PLD1: variants seen among roughly 807,000 people sequenced by gnomAD.
PLD1 encodes the protein choline phosphatase 1.
PLD1 carries 112 observed loss-of-function variants against 137.1 expected under a neutral mutation model. The ratio of observed to expected loss-of-function variants is 0.82; its 90% CI spans 0.70 to 0.96. The LOEUF is 0.96. Among genes scored for constraint, PLD1 ranks in the 40% least tolerant of loss-of-function variants. The pLI is 0.00. For synonymous variants in PLD1, 431 were observed against 454.7 expected, an observed-to-expected ratio of 0.95 and a Z score of 0.66; for missense variants, 1,321 against 1,342.0, an observed-to-expected ratio of 0.98 and a Z score of 0.24.
intron 16 of PLD1, among the ~76,000 whole-genome samples, chr3:171,678,804 TC>T (rs1325747816): frequency 6.6e-6 from 1 of 152,176 alleles, no homozygotes; most frequent in Non-Finnish European, 1.5e-5. Flanking sequence ...ATCTTTCTAG[TC>T]CTTGTTTTTC....
chr3:171,751,930 G>C (rs1260215841), intron 1 of PLD1, among the ~76,000 whole-genome samples: 2 of 151,914 alleles, frequency 1.3e-5, no homozygotes, highest in Non-Finnish European at 2.9e-5. Flanking sequence ...ATGAACCTGG[G>C]AGGTGGAGCT....
In PLD1 at chr3:171,601,335, T is replaced by G. The variant is rs1731818553; in HGVS notation, c.*1743A>C. ...GACTCCTCTAAGGTTTAAAAAATAT[T>G]TAAATATAAAATCTAAGAAATCCTT... On this transcript the variant is annotated 3_prime_UTR_variant, in exon 27 of 27. Coordinates refer to ENST00000351298, the MANE Select transcript of PLD1 (RefSeq NM_002662.5). The G allele has an allele frequency of 6.6e-6, 1 of 152,138 alleles. No individual in the cohort carries two copies. The highest frequency in any genetic ancestry group is 6.5e-5 in the Admixed American group (1 of 15,276). 9.4% of individuals were successfully genotyped at this position (152,138 alleles called of 1,614,324 possible). A position where few individuals can be genotyped will look rare whatever the true frequency, so the allele number is the denominator to read the frequency against.
chr3:171,656,758 C>T (rs992573513), intron 21 of PLD1, among the ~76,000 whole-genome samples: 2 of 152,176 alleles, frequency 1.3e-5, no homozygotes, highest in East Asian at 3.9e-4. Flanking sequence ...GATCCCCTCA[C>T]CATGGGATCA....
At chr3:171,664,334 G>GAACATAGCA (rs1711861400) in intron 19 of PLD1, among the ~76,000 whole-genome samples, 1 of 152,120 alleles carries the variant, frequency 6.6e-6, no homozygotes, top group Admixed American at 6.6e-5. Flanking sequence ...TGTTACTAAG[G>GAACATAGCA]AACATAGCAC....
intron 12 of PLD1, among the ~76,000 whole-genome samples, chr3:171,693,947 A>G (rs1175547551): frequency 6.6e-6 from 1 of 152,188 alleles, no homozygotes; most frequent in Non-Finnish European, 1.5e-5. Context: ...CTAACATAAC[A>G]TAGGAGTTAA....
rs543987956 is a variant in PLD1, at chr3:171,656,968, A to G, written c.2429+2245T>C. The stretch of plus-strand genomic sequence containing the variant: ...ACTACAGGCCCAACACATTTGCCTC[A>G]GCTTGGGGAAGCCCTGAATGGGTTT... On this transcript the variant is annotated intron_variant, in intron 21 of 26. Transcript: ENST00000351298. Among the ~76,000 whole-genome samples, 7 of 152,332 alleles carry G rather than the reference A, an allele frequency of 4.6e-5. No homozygotes were observed. The East Asian group carries it at 5.8e-4, about 13-fold the overall frequency.
chr3:171,714,206 CAAAA>C (rs896546561), intron 8 of PLD1, among the ~76,000 whole-genome samples, 161 bp from the exon 9 acceptor site: 1 of 151,540 alleles, frequency 6.6e-6, no homozygotes, highest in Admixed American at 6.6e-5. Flanking sequence ...ATGAAACAAA[CAAAA>C]AAAACCCAAC....
intron 1 of PLD1, among the ~76,000 whole-genome samples, chr3:171,802,646 C>T (rs138580819): frequency 1.4e-3 from 208 of 152,280 alleles, no homozygotes; most frequent in African/African-American, 4.7e-3. Context: ...GTTACACAGA[C>T]GCTAAAGTAG....
At chr3:171,639,557 AAT>A (rs1161243284) in intron 23 of PLD1, among the ~76,000 whole-genome samples, 1 of 73,656 alleles carries the variant, frequency 1.4e-5, no homozygotes, top group African/African-American at 6.2e-5. Flanking sequence ...ATATTCATAT[AAT>A]ATATATTATA....
chr3:171,799,031 A>C (rs897010187), intron 1 of PLD1, among the ~76,000 whole-genome samples: 2 of 152,164 alleles, frequency 1.3e-5, no homozygotes, highest in African/African-American at 4.8e-5. Context: ...TTGTCTGCCC[A>C]CAACTTTCAT....
chr3:171,743,136 G>A (rs57479500), intron 1 of PLD1, among the ~76,000 whole-genome samples: 3,212 of 152,290 alleles, frequency 0.021, 128 homozygotes, highest in African/African-American at 0.074. Context: ...TTCCACTCAT[G>A]CTTCCTCCCT....
At chr3:171,744,493 G>T (rs1720003689) in intron 1 of PLD1, among the ~76,000 whole-genome samples, 2 of 152,130 alleles carry the variant, frequency 1.3e-5, no homozygotes, top group African/African-American at 4.8e-5. Flanking sequence ...GGAGCCCAGA[G>T]CCCAGCAATC....
chr3:171,682,280 CTGAG>C (rs1455545077), intron 16 of PLD1, among the ~76,000 whole-genome samples: 4 of 152,164 alleles, frequency 2.6e-5, no homozygotes, highest in Non-Finnish European at 4.4e-5. Context: ...TTGAAAATGA[CTGAG>C]TGATTTTGAA....
At chr3:171,648,690 C>T (rs746651927) in intron 21 of PLD1, among the ~76,000 whole-genome samples, 10 of 151,958 alleles carry the variant, frequency 6.6e-5, no homozygotes, top group Non-Finnish European at 5.9e-5. Context: ...GAGTAGCTGG[C>T]GCTACAATCG....
At chr3:171,775,842 C>T (rs1431593859) in intron 1 of PLD1, among the ~76,000 whole-genome samples, 1 of 150,066 alleles carries the variant, frequency 6.7e-6, no homozygotes, top group African/African-American at 2.5e-5. Flanking sequence ...CACTCTGTCT[C>T]AAAATAAGTA....
At chr3:171,691,402 T>C (rs1414265933) in intron 13 of PLD1, among the ~76,000 whole-genome samples, 1 of 146,420 alleles carries the variant, frequency 6.8e-6, no homozygotes, top group Admixed American at 7.1e-5. Context: ...TGCATTACTG[T>C]CTTGTTTTGT....
chr3:171,618,102 A>G lies in PLD1; in HGVS notation c.2728+2284T>C, dbSNP rs1040241200. 2.6e-5 allele frequency among the ~76,000 whole-genome samples: 4 copies of G among 152,116 alleles called. No individual in the cohort carries two copies. In the East Asian group the frequency reaches 7.7e-4, roughly 29 times the overall value. On this transcript the variant is annotated intron_variant, in intron 24 of 26. Transcript: ENST00000351298. ...TTCCTTGGGAGAAATCGATTCTCTAAGGCACTTGGGGAAGGAAAAAAGGAA... is the reference window on the plus strand; with the variant it reads ...TTCCTTGGGAGAAATCGATTCTCTAGGGCACTTGGGGAAGGAAAAAAGGAA...
At chr3:171,610,306 A>G (rs1274862213) in intron 25 of PLD1, among the ~76,000 whole-genome samples, 1 of 152,236 alleles carries the variant, frequency 6.6e-6, no homozygotes, top group Non-Finnish European at 1.5e-5. Context: ...ACTCGATGAC[A>G]TGGAAAATGT....
At chr3:171,682,631 T>C (rs1412071157) in intron 16 of PLD1, among the ~76,000 whole-genome samples, 2 of 152,246 alleles carry the variant, frequency 1.3e-5, no homozygotes, top group East Asian at 3.8e-4. Context: ...ATCTAGAGCC[T>C]TGCTCTTTAA....
Sources: allele counts gnomAD v4.1 joint callset (sites outside exome capture counted in the v4.1 genomes callset), GRCh38; gene constraint gnomAD v4.1.1; transcripts MANE v1.5; gene names NCBI Gene and HGNC (gene_info 2026-07-23, HGNC 2026-07-21).